Variants in CSMD3 observed in about 807,000 individuals in gnomAD.
The protein encoded by CSMD3 is CUB and Sushi multiple domains 3, also known as CUB and sushi domain-containing protein 3.
In CSMD3, 177 loss-of-function variants were observed where a neutral mutation model predicts 435.2. The ratio of observed to expected loss-of-function variants is 0.41; its 90% CI spans 0.36 to 0.46. The LOEUF (loss-of-function observed/expected upper bound fraction) is 0.46. Ranked by LOEUF, CSMD3 falls within the 20% of genes least tolerant of loss-of-function variation. CSMD3 has a pLI of 0.34. For synonymous variants in CSMD3, 1,656 were observed against 1,520.5 expected (o/e 1.09, Z -2.07); for missense variants, 4,265 against 4,504.6 (o/e 0.95, Z 1.52).
At chr8:112,855,845 C>T (rs1404029684) in intron 11 of CSMD3, among the ~76,000 whole-genome samples, 1 of 144,036 alleles carries the variant, frequency 6.9e-6, no homozygotes, top group Non-Finnish European at 1.5e-5. Context: ...AAGATCTGTC[C>T]CTGAGGAGCT....
intron 10 of CSMD3, among the ~76,000 whole-genome samples, chr8:112,884,599 C>T (rs2081538481): frequency 6.6e-6 from 1 of 151,740 alleles, no homozygotes; most frequent in African/African-American, 2.4e-5. Context: ...AACTTGTTCC[C>T]AGACATTGCC....
chr8:112,576,181 G>A (rs1029830596), intron 23 of CSMD3, among the ~76,000 whole-genome samples: 4 of 152,082 alleles, frequency 2.6e-5, no homozygotes, highest in Admixed American at 6.6e-5. Context: ...AGTAATTAAT[G>A]TAACTGGGGA....
At chr8:112,558,677 C>T (rs180805166) in intron 24 of CSMD3, among the ~76,000 whole-genome samples, 78 of 151,800 alleles carry the variant, frequency 5.1e-4, no homozygotes, top group African/African-American at 1.7e-3. Flanking sequence ...TTGGTCGGTG[C>T]GAGGAAGAAA....
chr8:112,673,417 G>C (rs2075701990), intron 16 of CSMD3, among the ~76,000 whole-genome samples: 1 of 152,014 alleles, frequency 6.6e-6, no homozygotes, highest in African/African-American at 2.4e-5. Flanking sequence ...AAGCCCTGCA[G>C]ATGGCTATTA....
At chr8:113,302,262 TATATATA>T (rs2093776423) in intron 2 of CSMD3, among the ~76,000 whole-genome samples, 1 of 124,168 alleles carries the variant, frequency 8.1e-6, no homozygotes, top group East Asian at 2.1e-4. Context: ...TTATATAAAA[TATATATA>T]ATATATAATT....
chr8:113,215,722 A>G (rs2092896628), intron 3 of CSMD3, among the ~76,000 whole-genome samples: 1 of 151,916 alleles, frequency 6.6e-6, no homozygotes, highest in African/African-American at 2.4e-5. Flanking sequence ...TAAATCTTAT[A>G]TGCACTTTTC....
At chr8:112,576,058 A>C (rs1157766865) in intron 23 of CSMD3, among the ~76,000 whole-genome samples, 2 of 123,510 alleles carry the variant, frequency 1.6e-5, no homozygotes, top group African/African-American at 5.2e-5. Context: ...TATAAATAAA[A>C]TACAATCAAT....
intron 27 of CSMD3, among the ~76,000 whole-genome samples, chr8:112,527,486 G>C (rs762350227): frequency 6.6e-6 from 1 of 151,952 alleles, no homozygotes; most frequent in Non-Finnish European, 1.5e-5. Context: ...TGAAACTGCA[G>C]TGGGGCATTT....
chr8:113,128,297 G>A (rs1348809246), intron 4 of CSMD3, among the ~76,000 whole-genome samples: 7 of 151,926 alleles, frequency 4.6e-5, no homozygotes, highest in South Asian at 2.1e-4. Flanking sequence ...AGGAAAAGAG[G>A]TAGAAAGGAA....
intron 6 of CSMD3, among the ~76,000 whole-genome samples, chr8:113,002,119 G>T (rs777191833): frequency 6.6e-6 from 1 of 152,092 alleles, no homozygotes; most frequent in Non-Finnish European, 1.5e-5. Context: ...CATGAAAGCT[G>T]ACTTTTGGTT....
At chr8:112,885,379 T>C (rs200579443) in intron 10 of CSMD3, among the ~76,000 whole-genome samples, 16 of 134,592 alleles carry the variant, frequency 1.2e-4, no homozygotes, top group African/African-American at 3.9e-4. Context: ...TATATATATA[T>C]ACATATATAT....
chr8:112,535,717 G>A (rs551159015), intron 27 of CSMD3, among the ~76,000 whole-genome samples: 22 of 151,910 alleles, frequency 1.4e-4, no homozygotes, highest in Non-Finnish European at 1.5e-4. Flanking sequence ...TCGCCAAGTC[G>A]ATCCTAAGCC....
chr8:112,517,814 G>A (rs1823840329), intron 27 of CSMD3, among the ~76,000 whole-genome samples: 1 of 152,112 alleles, frequency 6.6e-6, no homozygotes, highest in Non-Finnish European at 1.5e-5. Context: ...CATTGCTGGT[G>A]GGAATGTAAA....
chr8:112,696,844 T>C (rs1284171531), intron 13 of CSMD3, among the ~76,000 whole-genome samples: 3 of 151,786 alleles, frequency 2.0e-5, no homozygotes, highest in Non-Finnish European at 4.4e-5. Context: ...AGGGCTAATA[T>C]CCAGAATCTA....
intron 5 of CSMD3, among the ~76,000 whole-genome samples, chr8:113,022,399 C>T (rs2086714506): frequency 6.6e-6 from 1 of 151,584 alleles, no homozygotes; most frequent in Non-Finnish European, 1.5e-5. Context: ...TGACAAATAC[C>T]AATGGTAAAG....
chr8:112,279,048 A>G (rs1168388525), intron 59 of CSMD3, among the ~76,000 whole-genome samples: 1 of 145,896 alleles, frequency 6.9e-6, no homozygotes, highest in African/African-American at 2.7e-5. Flanking sequence ...AACAACAACA[A>G]CAACAACAAA....
intron 9 of CSMD3, among the ~76,000 whole-genome samples, chr8:112,933,269 T>C (rs2083174206): frequency 6.6e-6 from 1 of 152,152 alleles, no homozygotes; most frequent in Non-Finnish European, 1.5e-5. Context: ...ATAGATTCTC[T>C]TAACTCTAAA....
chr8:112,333,545 T>A (rs1329932761), intron 45 of CSMD3, among the ~76,000 whole-genome samples: 4 of 152,274 alleles, frequency 2.6e-5, no homozygotes. Flanking sequence ...AAGTGAAACA[T>A]TTTGAAATGA....
intron 23 of CSMD3, among the ~76,000 whole-genome samples, chr8:112,583,276 G>T (rs1184750891): frequency 6.6e-6 from 1 of 151,900 alleles, no homozygotes; most frequent in Admixed American, 6.6e-5. Context: ...AAAATGAGGA[G>T]AGAGGAGATG....
Sources: allele counts gnomAD v4.1 joint callset (sites outside exome capture counted in the v4.1 genomes callset), GRCh38; gene constraint gnomAD v4.1.1; transcripts MANE v1.5; gene names NCBI Gene and HGNC (gene_info 2026-07-23, HGNC 2026-07-21).